Variants in USO1 observed in about 807,000 individuals in gnomAD.
USO1 encodes general vesicular transport factor p115.
USO1 carries 57 observed loss-of-function variants against 124.5 expected under a neutral mutation model. The observed-to-expected ratio is 0.46, with a 90% CI of 0.37 to 0.57. The LOEUF is 0.57. USO1 is among the 20% of genes least tolerant of loss of function. The probability of loss-of-function intolerance (pLI) is 0.00; values close to 1 mark genes in which losing one functional copy is unlikely to be tolerated. For synonymous variants in USO1, 369 were observed against 362.8 expected, an observed-to-expected ratio of 1.02 and a Z score of -0.19; for missense variants, 900 against 1,040.6, an observed-to-expected ratio of 0.86 and a Z score of 1.86.
In USO1 at chr4:75,743,366, T is replaced by A. The variant is rs535798826; in HGVS notation, c.67-9007T>A. On this transcript the variant is annotated intron_variant, in intron 1 of 23. Coordinates refer to ENST00000514213, the MANE Select transcript of USO1 (RefSeq NM_003715.4). Reference sequence around the variant, plus strand: ...ATACTCATTGAGTCGGTTTTCCTACTCTTCTTTTTGCTTCATTCTTGTTAC... The same window carrying A: ...ATACTCATTGAGTCGGTTTTCCTACACTTCTTTTTGCTTCATTCTTGTTAC... Among the ~76,000 whole-genome samples the A allele has an allele frequency of 7.2e-5, 11 of 152,272 alleles. No individual in the cohort carries two copies. The South Asian group carries it at 2.3e-3, about 32-fold the overall frequency.
chr4:75,804,251 A>G lies in USO1; in HGVS notation c.2104A>G (p.Asn702Asp), dbSNP rs377397502. The G allele has an allele frequency of 6.2e-6, 10 of 1,611,548 alleles. No individual in the cohort carries two copies. Among genetic ancestry groups the G allele is most frequent in the Non-Finnish European group, 8.5e-6 (10 of 1,178,802 alleles). ...SQIQQHKDQY[N>D]LLKIQLGKDN... Reference sequence around the variant, plus strand: ...GATCCAGCAGCACAAAGACCAGTATAATCTTCTTAAAATACAGCTAGGTAA... The same window carrying G: ...GATCCAGCAGCACAAAGACCAGTATGATCTTCTTAAAATACAGCTAGGTAA... The change falls in exon 18 of 24, where the codon AAT (asparagine) becomes GAT (aspartate). Residue 702 changes from asparagine (N) to aspartate (D), a missense_variant. Around this residue, in one of 2 missense-constraint regions of USO1, gnomAD observed 362 missense variants for 359.0 expected, o/e 1.01. Transcript: ENST00000514213.
intron 4 of USO1, among the ~76,000 whole-genome samples, chr4:75,764,829 A>G (rs1217202298): frequency 6.6e-6 from 1 of 152,152 alleles, no homozygotes; most frequent in African/African-American, 2.4e-5. Context: ...CAACGTTTGT[A>G]TTTTAGACTT....
At chr4:75,794,678 T>C (rs527517360) in intron 13 of USO1, among the ~76,000 whole-genome samples, 1 of 152,358 alleles carries the variant, frequency 6.6e-6, no homozygotes, top group African/African-American at 2.4e-5. Flanking sequence ...GCAGTAGTTA[T>C]CCTACCCACT....
rs749934531 is a variant in USO1 at position 75,811,776 on chromosome 4, T to A, written c.2584-384T>A. Among the ~76,000 whole-genome samples the A allele has an allele frequency of 9.4e-4, 143 of 152,016 alleles. 1 individual carries two copies. Among genetic ancestry groups the A allele is most frequent in the Non-Finnish European group, 1.6e-3 (112 of 67,944 alleles). The stretch of plus-strand genomic sequence containing the variant: ...GTATGCTTGAAGTTGGGATAAAAAA[T>A]TTTTTTTTAACTTGAGCTTTGAGTT... On this transcript the variant is annotated intron_variant, in intron 22 of 23. Coordinates refer to ENST00000514213, the MANE Select transcript of USO1 (RefSeq NM_003715.4).
chr4:75,786,637 A>G (rs2149178121), intron 9 of USO1, among the ~76,000 whole-genome samples: 1 of 152,218 alleles, frequency 6.6e-6, no homozygotes, highest in African/African-American at 2.4e-5. Flanking sequence ...CTCTTTAAAT[A>G]TTTCCAGTTT....
At chr4:75,765,895 C>T (rs1490904292) in intron 4 of USO1, among the ~76,000 whole-genome samples, 1 of 152,142 alleles carries the variant, frequency 6.6e-6, no homozygotes, top group Non-Finnish European at 1.5e-5. Context: ...CTGCCACCTT[C>T]ACTTAATACC....
intron 21 of USO1, among the ~76,000 whole-genome samples, chr4:75,809,722 C>T (rs1451026214): frequency 6.6e-6 from 1 of 152,200 alleles, no homozygotes; most frequent in African/African-American, 2.4e-5. Context: ...TTTCTGCCAG[C>T]ATTCTTCTTC....
At chr4:75,742,918 CA>C (rs946484251) in intron 1 of USO1, among the ~76,000 whole-genome samples, 40 of 151,872 alleles carry the variant, frequency 2.6e-4, no homozygotes, top group African/African-American at 8.2e-4. Flanking sequence ...GGTCGGTTTC[CA>C]AGAGAATGAG....
chr4:75,782,973 TA>T (rs374973020), intron 9 of USO1, 115 bp downstream of exon 9: 1 of 1,346,392 alleles, frequency 7.4e-7, no homozygotes, highest in African/African-American at 1.5e-5. Flanking sequence ...CAGGTTGGCT[TA>T]AAAAAACTGT....
At position 75,813,522 on chromosome 4, in the gene USO1, A is replaced by C. The variant is rs914127753; in HGVS notation, c.*227A>C. On this transcript the variant is annotated 3_prime_UTR_variant, in exon 24 of 24. Coordinates refer to ENST00000514213, the MANE Select transcript of USO1 (RefSeq NM_003715.4). The stretch of plus-strand genomic sequence containing the variant: ...TTAAATCCATCTGAACTGTCCCAAA[A>C]TGTAATTTGCAAAGAGCTTCAAACA... 2 of 346,746 alleles carry C rather than the reference A, an allele frequency of 5.8e-6. No homozygotes were observed. Among genetic ancestry groups the C allele is most frequent in the Non-Finnish European group, 9.9e-6 (2 of 202,714 alleles). 21.5% of individuals were successfully genotyped at this position (346,746 alleles called of 1,614,324 possible). A position where few individuals can be genotyped will look rare whatever the true frequency, so the allele number is the denominator to read the frequency against.
chr4:75,725,272 C>A (rs1009979229), intron 1 of USO1, among the ~76,000 whole-genome samples: 2 of 152,168 alleles, frequency 1.3e-5, no homozygotes, highest in Admixed American at 6.5e-5. Flanking sequence ...CTGCACTGGC[C>A]GAGAGGAGCC....
chr4:75,813,503 C>T lies in USO1; in HGVS notation c.*208C>T, dbSNP rs767063096. On this transcript the variant is annotated 3_prime_UTR_variant, in exon 24 of 24. Transcript: ENST00000514213. ...TAGAACACACATCTTTTATTTAAAT[C>T]CATCTGAACTGTCCCAAAATGTAAT... is the stretch of plus-strand genomic sequence containing the variant. The T allele has an allele frequency of 2.9e-5, 12 of 410,624 alleles. No homozygotes were observed. Among genetic ancestry groups the T allele is most frequent in the Non-Finnish European group, 4.4e-5 (11 of 249,364 alleles). The allele number at this position is 410,624 out of a possible 1,614,324, so 25.4% of individuals were successfully genotyped here.
rs1391291662 is a variant in USO1 at position 75,774,694 on chromosome 4, G to A, written c.574G>A (p.Ala192Thr). 2 of 1,613,162 alleles carry A rather than the reference G, an allele frequency of 1.2e-6. No homozygotes were observed. Among genetic ancestry groups the A allele is most frequent in the Non-Finnish European group, 1.7e-6 (2 of 1,179,438 alleles). The change falls in exon 8 of 24, where the codon GCA (alanine) becomes ACA (threonine). Residue 192 changes from alanine to threonine, a missense_variant. Ala to Thr is a moderately conservative substitution (Grantham distance 58). Around this residue, in one of 2 missense-constraint regions of USO1, gnomAD observed 538 missense variants for 681.6 expected, o/e 0.79. Coordinates refer to ENST00000514213, the MANE Select transcript of USO1 (RefSeq NM_003715.4). ...TCTATAGGGCGTCTTACTACTGCAG[G>A]CACTAACAAGAAGCAATGGTGCAAT... ...IRNDGVLLLQ[A>T]LTRSNGAIQK...
chr4:75,734,925 C>A (rs1047111428), intron 1 of USO1, among the ~76,000 whole-genome samples: 1 of 151,616 alleles, frequency 6.6e-6, no homozygotes, highest in African/African-American at 2.4e-5. Context: ...AACAGGGTTT[C>A]ACCATATTGG....
At chr4:75,753,403 G>A (rs1721343765) in intron 3 of USO1, among the ~76,000 whole-genome samples, 1 of 151,982 alleles carries the variant, frequency 6.6e-6, no homozygotes, top group Non-Finnish European at 1.5e-5. Flanking sequence ...GCCTGGTGGT[G>A]CATGCCTGTA....
chr4:75,795,347 C>T (rs1257204237), intron 13 of USO1: 3 of 701,984 alleles, frequency 4.3e-6, no homozygotes, highest in East Asian at 2.7e-5. Flanking sequence ...GTGATAAGAT[C>T]GACAGACGGG....
At chr4:75,766,803 G>A (rs1384134853) in intron 4 of USO1, among the ~76,000 whole-genome samples, 1 of 152,184 alleles carries the variant, frequency 6.6e-6, no homozygotes, top group East Asian at 1.9e-4. Context: ...AAGTAACATG[G>A]CTATTAAGTG....
chr4:75,791,492 C>A (rs1399132078), intron 12 of USO1, among the ~76,000 whole-genome samples: 2 of 152,038 alleles, frequency 1.3e-5, no homozygotes, highest in African/African-American at 2.4e-5. Flanking sequence ...CCACTGCACT[C>A]CAGCCTGGGC....
chr4:75,770,324 T>TC (rs528718016), intron 4 of USO1, 115 bp from the exon 5 acceptor site: 1 of 917,198 alleles, frequency 1.1e-6, no homozygotes. Context: ...GCCACACTGT[T>TC]CCAGTGTTGA....
Sources: allele counts gnomAD v4.1 joint callset (sites outside exome capture counted in the v4.1 genomes callset), GRCh38; gene constraint gnomAD v4.1.1; regional missense constraint gnomAD v4.1.1; transcripts MANE v1.5; gene names NCBI Gene and HGNC (gene_info 2026-07-23, HGNC 2026-07-21).